Variants in PCDHA10 observed in about 807,000 individuals in gnomAD.
The protein encoded by PCDHA10 is protocadherin alpha 10.
Under a neutral mutation model 61.2 loss-of-function variants are expected in PCDHA10, and 45 were observed. The ratio of observed to expected loss-of-function variants is 0.74; its 90% CI spans 0.58 to 0.94. The LOEUF (loss-of-function observed/expected upper bound fraction) is 0.94, where lower values mean the gene tolerates loss of function less well. PCDHA10 is among the 40% of genes least tolerant of loss of function. The pLI is 0.00. For synonymous variants in PCDHA10, 602 were observed against 548.8 expected, an observed-to-expected ratio of 1.10 and a Z score of -1.35; for missense variants, 1,278 against 1,236.2, an observed-to-expected ratio of 1.03 and a Z score of -0.51.
At chr5:141,003,689 A>G (rs2098134450) in intron 3 of PCDHA10, among the ~76,000 whole-genome samples, 3 of 152,228 alleles carry the variant, frequency 2.0e-5, no homozygotes, top group African/African-American at 7.2e-5. Flanking sequence ...ATTTTAAAAT[A>G]TATCCCTACC....
At chr5:140,908,822 C>G (rs2074167872) in intron 1 of PCDHA10, among the ~76,000 whole-genome samples, 1 of 152,136 alleles carries the variant, frequency 6.6e-6, no homozygotes, top group African/African-American at 2.4e-5. Flanking sequence ...TTTTGGGTTA[C>G]TCGATAAATG....
At position 141,000,421 on chromosome 5, in the gene PCDHA10, A is replaced by ATTTTTT. The variant is rs34755515; in HGVS notation, c.2537-9188_2537-9183dup. On this transcript the variant is annotated intron_variant, in intron 3 of 3. Coordinates refer to ENST00000307360, the MANE Select transcript of PCDHA10 (RefSeq NM_018901.4). ...TATATATATATATATATATATATAT[A>ATTTTTT]TTTTTTTTTTTTTTTTTTTTTTTGA... 3.2e-4 allele frequency among the ~76,000 whole-genome samples: 9 copies of ATTTTTT among 27,978 alleles called. 1 individual carries two copies. The highest frequency in any genetic ancestry group is 5.3e-4 in the African/African-American group (3 of 5,638). 18.4% of individuals were successfully genotyped at this position (27,978 alleles called of 152,430 possible).
At chr5:140,971,034 A>G (rs576529050) in intron 1 of PCDHA10, among the ~76,000 whole-genome samples, 1 of 152,202 alleles carries the variant, frequency 6.6e-6, no homozygotes, top group Non-Finnish European at 1.5e-5. Context: ...ATTTGAAAGC[A>G]CGTAAAAGGG....
rs570399561 is a variant in PCDHA10, at chr5:140,943,988, C to T, written c.2389-34961C>T. ...GTTAAAGTAATTAAGAAAACAGAGA[C>T]AGAACTACTGAGTACCCCCCAAAAG... On this transcript the variant is annotated intron_variant, in intron 1 of 3. Transcript: ENST00000307360. 8.3e-4 allele frequency among the ~76,000 whole-genome samples: 126 copies of T among 152,216 alleles called. 3 individuals carry two copies. The Middle Eastern group carries it at 0.017, about 21-fold the overall frequency.
In PCDHA10 at chr5:140,977,999, G is replaced by A. The variant is rs1185111218; in HGVS notation, c.2389-950G>A. Among the ~76,000 whole-genome samples the A allele has an allele frequency of 1.3e-5, 2 of 152,132 alleles. 1 individual carries two copies. The highest frequency in any genetic ancestry group is 4.8e-5 in the African/African-American group (2 of 41,406). ...AAACGCATCTAGAGGAGTGTCACAA[G>A]TTTTTCACAGTGACATTTTTGCTTA... On this transcript the variant is annotated intron_variant, in intron 1 of 3. Coordinates refer to ENST00000307360, the MANE Select transcript of PCDHA10 (RefSeq NM_018901.4).
rs116577362 is a variant in PCDHA10 at position 140,863,312 on chromosome 5, T to G, written c.2388+4876T>G. On this transcript the variant is annotated intron_variant, in intron 1 of 3. Transcript: ENST00000307360. ...TACCTGATCATCGCCATCTGCGTGGTGTCCAGCCTGTTAGTGCTCACGTTG... is the reference window on the plus strand; with the variant it reads ...TACCTGATCATCGCCATCTGCGTGGGGTCCAGCCTGTTAGTGCTCACGTTG... 14,488 of 1,456,150 alleles carry G rather than the reference T, an allele frequency of 9.9e-3. 118 individuals are homozygous for G. The highest frequency in any genetic ancestry group is 0.011 in the Non-Finnish European group (11,650 of 1,073,394). 90.2% of individuals were successfully genotyped at this position (1,456,150 alleles called of 1,614,324 possible). A position where few individuals can be genotyped will look rare whatever the true frequency, so the allele number is the denominator to read the frequency against.
At chr5:141,008,015 T>C (rs2098356412) in intron 3 of PCDHA10, among the ~76,000 whole-genome samples, 1 of 152,088 alleles carries the variant, frequency 6.6e-6, no homozygotes. Flanking sequence ...TTCTGTTTCC[T>C]TTTTTTTCTT....
At chr5:140,902,395 G>A (rs782771913) in intron 1 of PCDHA10, among the ~76,000 whole-genome samples, 2 of 151,802 alleles carry the variant, frequency 1.3e-5, no homozygotes, top group Non-Finnish European at 2.9e-5. Context: ...GTACTATGTT[G>A]AATACTATGT....
At chr5:140,887,544 CATGG>C (rs2061491541) in intron 1 of PCDHA10, among the ~76,000 whole-genome samples, 2 of 152,098 alleles carry the variant, frequency 1.3e-5, no homozygotes, top group Non-Finnish European at 2.9e-5. Context: ...CCCCACCCCT[CATGG>C]TTACTGTTAA....
At chr5:140,938,885 A>C (rs966791166) in intron 1 of PCDHA10, among the ~76,000 whole-genome samples, 9 of 152,144 alleles carry the variant, frequency 5.9e-5, no homozygotes, top group Non-Finnish European at 1.2e-4. Flanking sequence ...CAACACACAC[A>C]CACACAGATG....
At chr5:140,999,244 G>A (rs1554256717) in intron 3 of PCDHA10, among the ~76,000 whole-genome samples, 1 of 152,210 alleles carries the variant, frequency 6.6e-6, no homozygotes, top group African/African-American at 2.4e-5. Flanking sequence ...GTTAAAGTGG[G>A]AGTTGGATTA....
At chr5:140,990,176 T>G (rs1294066255) in intron 3 of PCDHA10, among the ~76,000 whole-genome samples, 1 of 152,142 alleles carries the variant, frequency 6.6e-6, no homozygotes, top group Non-Finnish European at 1.5e-5. Context: ...AAAAGGTGAC[T>G]TTTAAGAACC....
intron 1 of PCDHA10, chr5:140,859,682 A>G (rs2045965984): frequency 6.5e-6 from 1 of 154,852 alleles, no homozygotes; most frequent in Admixed American, 6.4e-5. Context: ...AAATAAAATT[A>G]AAATTATTGT....
chr5:140,869,200 T>C, intron 1 of PCDHA10: 1 of 1,614,000 alleles, frequency 6.2e-7, no homozygotes, highest in East Asian at 2.2e-5. Flanking sequence ...CCAGCTCCAC[T>C]ACTCCGTCTC....
rs782194525 is a variant in PCDHA10 at position 140,927,807 on chromosome 5, C to T, written c.2389-51142C>T. The T allele has an allele frequency of 8.7e-6, 14 of 1,614,088 alleles. No homozygotes were observed. In the African/African-American group the frequency reaches 1.3e-4, roughly 15 times the overall value. Reference sequence around the variant, plus strand: ...CTTCACTAGGTCCGCCTGAAACGCTCTTGGAGGCATACATTGAGGCGAGGG... The same window carrying T: ...CTTCACTAGGTCCGCCTGAAACGCTTTTGGAGGCATACATTGAGGCGAGGG... On this transcript the variant is annotated intron_variant, in intron 1 of 3. Coordinates refer to ENST00000307360, the MANE Select transcript of PCDHA10 (RefSeq NM_018901.4).
chr5:140,976,453 G>A (rs1554237653), intron 1 of PCDHA10, among the ~76,000 whole-genome samples: 1 of 152,032 alleles, frequency 6.6e-6, no homozygotes, highest in Admixed American at 6.6e-5. Flanking sequence ...AGGGAGGCTG[G>A]GGAAGAAGAA....
Position 141,009,742 on chromosome 5 carries a change from C to A in PCDHA10, c.2652C>A (p.Asp884Glu). 6.2e-7 allele frequency: 1 copy of A among 1,614,160 alleles called. No individual in the cohort carries two copies. Among genetic ancestry groups the A allele is most frequent in the Non-Finnish European group, 8.5e-7 (1 of 1,180,038 alleles). The part of the protein sequence containing the change: ...PKQSGPGELP[D>E]KFIIPGSPAI... ...AATCCGGTCCCGGTGAGTTGCCCGA[C>A]AAATTCATTATCCCAGGATCTCCTG... is the stretch of plus-strand genomic sequence containing the variant. The change falls in exon 4 of 4, where the codon GAC becomes GAA. Residue 884 changes from aspartate to glutamate, a missense_variant. By Grantham distance (45) the Asp-to-Glu change is conservative. Coordinates refer to ENST00000307360, the MANE Select transcript of PCDHA10 (RefSeq NM_018901.4).
chr5:140,884,750 A>G, intron 1 of PCDHA10: 1 of 1,431,238 alleles, frequency 7.0e-7, no homozygotes, highest in Non-Finnish European at 9.2e-7. Flanking sequence ...TGCCAATTTC[A>G]AATTATTCTT....
intron 3 of PCDHA10, among the ~76,000 whole-genome samples, chr5:141,007,036 A>G (rs1018909399): frequency 4.6e-5 from 7 of 152,200 alleles, no homozygotes; most frequent in African/African-American, 1.4e-4. Context: ...ATTTATATCT[A>G]TGGATATGGC....
Sources: allele counts gnomAD v4.1 joint callset (sites outside exome capture counted in the v4.1 genomes callset), GRCh38; gene constraint gnomAD v4.1.1; transcripts MANE v1.5; gene names NCBI Gene and HGNC (gene_info 2026-07-23, HGNC 2026-07-21).